The following UBAP2 variants were observed in gnomAD, a reference collection of about 807,000 sequenced individuals.
The protein encoded by UBAP2 is ubiquitin associated protein 2, also known as ubiquitin-associated protein 2.
UBAP2 carries 75 observed loss-of-function variants against 139.6 expected under a neutral mutation model. The ratio of observed to expected loss-of-function variants is 0.54; its 90% CI spans 0.45 to 0.65. The LOEUF is 0.65. Among genes scored for constraint, UBAP2 ranks in the 30% least tolerant of loss-of-function variants. The pLI, the probability that UBAP2 is intolerant of heterozygous loss-of-function variation, is 0.00. For missense variants in UBAP2, 1,368 were observed against 1,369.6 expected (o/e 1.00, Z 0.02); for synonymous variants, 526 against 526.2 (o/e 1.00, Z 0.01).
chr9:33,939,506 T>C (rs950043979), intron 16 of UBAP2, among the ~76,000 whole-genome samples: 2 of 151,318 alleles, frequency 1.3e-5, no homozygotes, highest in East Asian at 3.9e-4. Flanking sequence ...GATTCCTATG[T>C]GTTTTTAATG....
chr9:34,042,934 G>C (rs889461107), intron 1 of UBAP2, among the ~76,000 whole-genome samples: 1 of 152,002 alleles, frequency 6.6e-6, no homozygotes, highest in African/African-American at 2.4e-5. Flanking sequence ...TGAGCATGGT[G>C]ATGCATCCCT....
intron 1 of UBAP2, among the ~76,000 whole-genome samples, chr9:34,047,325 C>T (rs1037201312): frequency 1.3e-5 from 2 of 152,102 alleles, no homozygotes; most frequent in African/African-American, 4.8e-5. Flanking sequence ...ATAAGAGAAG[C>T]CTTCAAAGCA....
chr9:33,986,799 C>T lies in UBAP2; in HGVS notation c.481G>A (p.Asp161Asn). The change falls in exon 6 of 29, where the codon GAC (aspartate) becomes AAC (asparagine). Residue 161 changes from aspartate to asparagine, a missense_variant. Asp to Asn is a conservative substitution (Grantham distance 23). Coordinates refer to ENST00000379238, the MANE Select transcript of UBAP2 (RefSeq NM_001370062.2). ...EENGIDCNQVDKPSDRGKRAR... is the reference protein window; with the variant it reads ...EENGIDCNQVNKPSDRGKRAR... ...CGCTTGCCACGATCTGAAGGTTTGT[C>T]CACTTGATTGCAATCAATTCCATTT... 6.2e-7 allele frequency: 1 copy of T among 1,614,066 alleles called. No homozygotes were observed. Among genetic ancestry groups the T allele is most frequent in the Non-Finnish European group, 8.5e-7 (1 of 1,179,996 alleles).
Position 33,923,031 on chromosome 9 carries a change from C to A in UBAP2, c.3007G>T (p.Val1003Leu). 6.2e-7 allele frequency: 1 copy of A among 1,614,110 alleles called. No individual in the cohort carries two copies. Among genetic ancestry groups the A allele is most frequent in the South Asian group, 1.1e-5 (1 of 91,088 alleles). Residue 1003 changes from valine to leucine, a missense_variant and splice_region_variant, in exon 27 of 29, where the codon GTA (valine) becomes TTA (leucine). Transcript: ENST00000379238. ...CCAGTGGTGCTTGAAGACACTGATA[C>A]TCCTAGGAGGAAAAGCAGTTGTTCC... ...KSAGSGPGKG[V>L]SVSSSTTGLP...
intron 6 of UBAP2, among the ~76,000 whole-genome samples, chr9:33,986,516 G>C (rs1427602052): frequency 6.6e-6 from 1 of 152,094 alleles, no homozygotes; most frequent in East Asian, 1.9e-4. Flanking sequence ...CTTTTGGTTA[G>C]AGCTTTAAGT....
At chr9:34,045,122 C>T (rs978610412) in intron 1 of UBAP2, among the ~76,000 whole-genome samples, 23 of 151,872 alleles carry the variant, frequency 1.5e-4, no homozygotes, top group African/African-American at 5.1e-4. Flanking sequence ...CCGAGGCGGG[C>T]GGATCACGAG....
intron 11 of UBAP2, among the ~76,000 whole-genome samples, chr9:33,955,392 G>T (rs532967692): frequency 6.6e-6 from 1 of 151,928 alleles, no homozygotes; most frequent in Non-Finnish European, 1.5e-5. Flanking sequence ...GGTGGCAGGC[G>T]CCTGTAGTCC....
intron 14 of UBAP2, 114 bp from the exon 15 acceptor site, chr9:33,943,703 G>T: frequency 1.1e-6 from 1 of 920,820 alleles, no homozygotes; most frequent in Non-Finnish European, 1.6e-6. Flanking sequence ...GCAAGAAGAA[G>T]GAGTGAGAAA....
At chr9:33,984,074 T>C (rs1190632011) in intron 6 of UBAP2, among the ~76,000 whole-genome samples, 1 of 152,014 alleles carries the variant, frequency 6.6e-6, no homozygotes, top group Non-Finnish European at 1.5e-5. Flanking sequence ...CAGCTAATTT[T>C]TGTATTTTTA....
chr9:34,006,704 G>C (rs560569589), intron 2 of UBAP2, among the ~76,000 whole-genome samples: 1 of 151,940 alleles, frequency 6.6e-6, no homozygotes, highest in South Asian at 2.1e-4. Context: ...ATAACGTAAA[G>C]AAAATGTGGG....
chr9:34,015,278 T>C (rs760651468), intron 2 of UBAP2, among the ~76,000 whole-genome samples: 2 of 152,156 alleles, frequency 1.3e-5, no homozygotes, highest in Non-Finnish European at 2.9e-5. Flanking sequence ...TATAACCAAA[T>C]TGAGGAGGAG....
At chr9:33,975,936 C>T (rs1828306594) in intron 6 of UBAP2, among the ~76,000 whole-genome samples, 1 of 151,976 alleles carries the variant, frequency 6.6e-6, no homozygotes, top group Non-Finnish European at 1.5e-5. Flanking sequence ...CAAATTGAGG[C>T]CTGACATGGT....
At chr9:33,977,775 G>T (rs578152788) in intron 6 of UBAP2, among the ~76,000 whole-genome samples, 69 of 151,466 alleles carry the variant, frequency 4.6e-4, no homozygotes, top group African/African-American at 1.4e-3. Context: ...TGATTCTTGT[G>T]CCTCAGTCTC....
chr9:34,014,090 A>AG (rs747200147), intron 2 of UBAP2, among the ~76,000 whole-genome samples: 5 of 151,648 alleles, frequency 3.3e-5, no homozygotes, highest in South Asian at 2.1e-4. Context: ...TGGGAGATCA[A>AG]GGGGGGGACA....
At chr9:33,965,148 A>G (rs1827349385) in intron 8 of UBAP2, among the ~76,000 whole-genome samples, 1 of 152,222 alleles carries the variant, frequency 6.6e-6, no homozygotes, top group Non-Finnish European at 1.5e-5. Flanking sequence ...CTCCGTGTTA[A>G]AACAGAAAAT....
In UBAP2 at chr9:33,923,987, C is replaced by T. The variant is rs768643997; in HGVS notation, c.2604G>A (p.Lys868=). The part of the protein sequence containing the change: ...ANNPYPGDVT[K]FGRGDSASPA... The stretch of plus-strand genomic sequence containing the variant: ...GGGATGCAGAGTCCCCACGGCCAAA[C>T]TTTGTGACATCACCTAGGAAAGAGC... The change falls in exon 24 of 29, where the codon AAG becomes AAA. Residue 868 remains lysine, a synonymous_variant. Coordinates refer to ENST00000379238, the MANE Select transcript of UBAP2 (RefSeq NM_001370062.2). 1.2e-6 allele frequency: 2 copies of T among 1,613,664 alleles called. No homozygotes were observed. Among genetic ancestry groups the T allele is most frequent in the Non-Finnish European group, 8.5e-7 (1 of 1,180,030 alleles).
intron 1 of UBAP2, among the ~76,000 whole-genome samples, chr9:34,022,698 A>G (rs552011072): frequency 1.4e-4 from 21 of 152,088 alleles, no homozygotes; most frequent in Non-Finnish European, 2.2e-4. Flanking sequence ...CTCAGCCTCC[A>G]AAGTGCTGGG....
At chr9:33,955,450 GC>G (rs59902868) in intron 11 of UBAP2, among the ~76,000 whole-genome samples, 60,132 of 151,364 alleles carry the variant, frequency 0.4, 12,303 homozygotes, top group South Asian at 0.48. Context: ...ACTCAGGACG[GC>G]GGGGGTTGCA....
chr9:34,024,138 C>A (rs1401272189), intron 1 of UBAP2, among the ~76,000 whole-genome samples: 1 of 152,012 alleles, frequency 6.6e-6, no homozygotes, highest in African/African-American at 2.4e-5. Flanking sequence ...CCGGCTGGAT[C>A]ACCTGAGGTC....
Sources: gnomAD v4.1 joint callset for allele counts (sites outside exome capture counted in the v4.1 genomes callset) on GRCh38, gnomAD v4.1.1 for gene constraint, MANE v1.5 for transcripts, NCBI Gene and HGNC (gene_info 2026-07-23, HGNC 2026-07-21) for gene names.